JAKMIP3: variants seen among roughly 807,000 people sequenced by gnomAD.
JAKMIP3 encodes Janus kinase and microtubule interacting protein 3, also known as janus kinase and microtubule-interacting protein 3.
Under a neutral mutation model 118.5 loss-of-function variants are expected in JAKMIP3, and 58 were observed. That is an observed-to-expected ratio of 0.49 (90% CI 0.40 to 0.61). The LOEUF (loss-of-function observed/expected upper bound fraction) is 0.61. Among genes scored for constraint, JAKMIP3 ranks in the 20% least tolerant of loss-of-function variants. JAKMIP3 has a pLI of 0.00. For synonymous variants in JAKMIP3, 486 were observed against 451.2 expected (o/e 1.08, Z -0.98); for missense variants, 950 against 1,109.0 (o/e 0.86, Z 2.04).
At chr10:132,089,694 C>G (rs1378700193) in intron 1 of JAKMIP3, among the ~76,000 whole-genome samples, 1 of 152,096 alleles carries the variant, frequency 6.6e-6, no homozygotes, top group East Asian at 1.9e-4. Context: ...ATTGAATACC[C>G]TTTATTTCTT....
At chr10:132,140,899 C>T (rs1254866397) in intron 10 of JAKMIP3, among the ~76,000 whole-genome samples, 1 of 152,224 alleles carries the variant, frequency 6.6e-6, no homozygotes, top group Non-Finnish European at 1.5e-5. Context: ...GTACGGTGAG[C>T]TCTCCCTTCC....
In JAKMIP3 at chr10:132,180,540, TGTGTGC is replaced by T. The variant is rs1291879229; in HGVS notation, c.*1104-1813_*1104-1808del. On this transcript the variant is annotated intron_variant, in intron 23 of 23. Transcript: ENST00000684848. ...AAGCAGAACTGTGTGTGTGTGTGTG[TGTGTGC>T]GTGCGTGCATGCGTGTGTGTGCGTG... is the stretch of plus-strand genomic sequence containing the variant. Among the ~76,000 whole-genome samples, 6 of 32,696 alleles carry T rather than the reference TGTGTGC, an allele frequency of 1.8e-4. 3 individuals carry two copies. Among genetic ancestry groups the T allele is most frequent in the Non-Finnish European group, 3.2e-4 (6 of 18,530 alleles). The allele number at this position is 32,696 out of a possible 152,430, so 21.4% of individuals were successfully genotyped here. A position where few individuals can be genotyped will look rare whatever the true frequency, so the allele number is the denominator to read the frequency against.
At chr10:132,126,868 T>A (rs552807178) in intron 3 of JAKMIP3, among the ~76,000 whole-genome samples, 2 of 152,220 alleles carry the variant, frequency 1.3e-5, no homozygotes, top group African/African-American at 4.8e-5. Flanking sequence ...ATTTTATATA[T>A]AAGTATACAC....
At chr10:132,114,300 C>T (rs568211749) in intron 2 of JAKMIP3, among the ~76,000 whole-genome samples, 15 of 152,390 alleles carry the variant, frequency 9.8e-5, no homozygotes, top group African/African-American at 3.6e-4. Flanking sequence ...ACTGCAGCCT[C>T]TACCCCCCGG....
chr10:132,145,128 G>T lies in JAKMIP3; in HGVS notation c.1624G>T (p.Glu542Ter). ...EVKTREQLQA[E>*]VQRAQARIED... ...ACAGACCCGTGAGCAGCTACAAGCCGAAGTGCAGAGGGCACAGGCGCGGAT... is the reference window on the plus strand; with the variant it reads ...ACAGACCCGTGAGCAGCTACAAGCCTAAGTGCAGAGGGCACAGGCGCGGAT... The change falls in exon 12 of 24, where the codon GAA (glutamate) becomes TAA (stop). Residue 542 changes from glutamate to a stop codon, truncating the protein, a stop_gained. Transcript: ENST00000684848. LOFTEE classifies it high-confidence loss of function. 6.2e-7 allele frequency: 1 copy of T among 1,612,404 alleles called. No homozygotes were observed. Among genetic ancestry groups the T allele is most frequent in the African/African-American group, 1.3e-5 (1 of 75,054 alleles).
chr10:132,153,856 G>A (rs369808326), intron 18 of JAKMIP3, 29 bp downstream of exon 18: 46 of 1,612,180 alleles, frequency 2.9e-5, no homozygotes, highest in Admixed American at 6.7e-5. Context: ...GAGGTTCTGC[G>A]GCTCGGTGCT....
intron 13 of JAKMIP3, among the ~76,000 whole-genome samples, chr10:132,147,515 AG>A (rs920266489): frequency 6.6e-6 from 1 of 152,214 alleles, no homozygotes; most frequent in African/African-American, 2.4e-5. Context: ...CTGGGCTCCA[AG>A]GGGCACCCGG....
At chr10:132,111,676 C>T (rs936251447) in intron 2 of JAKMIP3, among the ~76,000 whole-genome samples, 4 of 152,128 alleles carry the variant, frequency 2.6e-5, no homozygotes, top group East Asian at 1.9e-4. Context: ...CCCACCATGG[C>T]GAGGCAAGGA....
At chr10:132,084,635 T>C (rs1378880379) in intron 1 of JAKMIP3, among the ~76,000 whole-genome samples, 1 of 152,188 alleles carries the variant, frequency 6.6e-6, no homozygotes, top group Non-Finnish European at 1.5e-5. Context: ...TGACAGTGGG[T>C]ATCCTTGTCT....
chr10:132,142,139 C>T (rs1395331548), intron 11 of JAKMIP3, 91 bp downstream of exon 11: 13 of 1,393,164 alleles, frequency 9.3e-6, no homozygotes, highest in African/African-American at 1.4e-5. Flanking sequence ...CTCACTAGCC[C>T]TCCTGGGCCC....
chr10:132,125,248 G>A (rs61691278), intron 3 of JAKMIP3, among the ~76,000 whole-genome samples: 4,295 of 150,468 alleles, frequency 0.029, 159 homozygotes, highest in African/African-American at 0.091. Context: ...GTTTTTGTGA[G>A]TGGTTTGGGA....
rs768948020 is a variant in JAKMIP3, at chr10:132,141,965, A to T, written c.1519A>T (p.Met507Leu). 1.9e-6 allele frequency: 3 copies of T among 1,599,424 alleles called. No individual in the cohort carries two copies. In the Admixed American group the frequency reaches 5.2e-5, roughly 28 times the overall value. ...GGAGCTGAGGTTCCGGCAGCTGACC[A>T]TGGAGTACCAGGCCCTGCAGCGTGC... ...ETELRFRQLT[M>L]EYQALQRAYA... is the part of the protein sequence containing the mutation. Residue 507 changes from methionine (M) to leucine (L), a missense_variant, in exon 11 of 24, where the codon ATG becomes TTG. By Grantham distance (15) the Met-to-Leu change is conservative (BLOSUM62 2). Transcript: ENST00000684848.
intron 2 of JAKMIP3, among the ~76,000 whole-genome samples, chr10:132,116,006 C>T (rs900725764): frequency 2.6e-5 from 4 of 152,252 alleles, no homozygotes; most frequent in African/African-American, 9.6e-5. Context: ...CCACGGCAGG[C>T]AGCGGTCCCG....
chr10:132,139,398 G>A (rs1447838098), intron 9 of JAKMIP3, among the ~76,000 whole-genome samples: 1 of 125,128 alleles, frequency 8.0e-6, no homozygotes, highest in Non-Finnish European at 1.6e-5. Context: ...GTATGAGTAT[G>A]TGAGTGTGTA....
intron 1 of JAKMIP3, among the ~76,000 whole-genome samples, chr10:132,091,460 A>T (rs2043079082): frequency 6.6e-6 from 1 of 152,152 alleles, no homozygotes; most frequent in Non-Finnish European, 1.5e-5. Flanking sequence ...GTGCTCCTGT[A>T]TTGGGTGCAT....
At chr10:132,163,003 T>C (rs1216232677) in intron 19 of JAKMIP3, among the ~76,000 whole-genome samples, 1 of 152,206 alleles carries the variant, frequency 6.6e-6, no homozygotes, top group Non-Finnish European at 1.5e-5. Context: ...CTGGTCAGCG[T>C]CTCTGCTTCT....
chr10:132,162,010 C>T (rs1436242446), intron 19 of JAKMIP3, among the ~76,000 whole-genome samples: 1 of 147,586 alleles, frequency 6.8e-6, no homozygotes, highest in Non-Finnish European at 1.5e-5. Flanking sequence ...CCTTTCCCTG[C>T]ACACTCGCCC....
intron 1 of JAKMIP3, among the ~76,000 whole-genome samples, chr10:132,084,413 T>G (rs1357084797): frequency 6.6e-6 from 1 of 152,230 alleles, no homozygotes; most frequent in Non-Finnish European, 1.5e-5. Flanking sequence ...GTTGAATTAT[T>G]TTATCAGTTC....
intron 1 of JAKMIP3, among the ~76,000 whole-genome samples, chr10:132,067,369 G>A (rs959997780): frequency 6.6e-6 from 1 of 152,152 alleles, no homozygotes; most frequent in Non-Finnish European, 1.5e-5. Context: ...AGGGCACGCT[G>A]TGGCAGAGAA....
Sources: allele counts gnomAD v4.1 joint callset (sites outside exome capture counted in the v4.1 genomes callset), GRCh38; gene constraint gnomAD v4.1.1; transcripts MANE v1.5; gene names NCBI Gene and HGNC (gene_info 2026-07-23, HGNC 2026-07-21).